The following MOB4 variants were observed in gnomAD, a reference collection of about 807,000 sequenced individuals.
MOB4 encodes MOB-like protein phocein.
MOB4 carries 4 observed loss-of-function variants against 32.2 expected under a neutral mutation model. The ratio of observed to expected loss-of-function variants is 0.12; its 90% CI spans 0.06 to 0.28. The LOEUF is 0.28. Among genes scored for constraint, MOB4 ranks in the 10% least tolerant of loss-of-function variants. MOB4 has a pLI of 1.00. For missense variants in MOB4, 158 were observed against 271.2 expected (o/e 0.58, Z 2.93); for synonymous variants, 88 against 88.1 (o/e 1.00, Z 0.01).
chr2:197,520,828 C>T (rs1311111216), intron 1 of MOB4, among the ~76,000 whole-genome samples: 1 of 141,866 alleles, frequency 7.0e-6, no homozygotes, highest in Non-Finnish European at 1.5e-5. Context: ...GAGGCTGAGG[C>T]TGGAGGATTG....
chr2:197,516,471 T>G, intron 1 of MOB4: 2 of 1,075,174 alleles, frequency 1.9e-6, no homozygotes. Flanking sequence ...CCCAGCTGAC[T>G]AGCATTGGAG....
At chr2:197,540,263 TA>T (rs2086874923) in intron 4 of MOB4, 87 bp from the exon 5 acceptor site, 34 of 1,479,260 alleles carry the variant, frequency 2.3e-5, no homozygotes, top group Non-Finnish European at 3.1e-5. Flanking sequence ...AACTTTCTTC[TA>T]GAATTTATTA....
chr2:197,537,294 T>A (rs1160640593), intron 3 of MOB4, among the ~76,000 whole-genome samples: 2 of 152,202 alleles, frequency 1.3e-5, no homozygotes, highest in African/African-American at 4.8e-5. Context: ...AAATTATAAA[T>A]TTTCCAGTGC....
chr2:197,528,922 A>G (rs1478662952), intron 2 of MOB4, among the ~76,000 whole-genome samples: 3 of 148,630 alleles, frequency 2.0e-5, no homozygotes, highest in African/African-American at 7.4e-5. Flanking sequence ...TGGCCTCCCA[A>G]TTTTCTTTGT....
At chr2:197,528,341 G>A (rs946426564) in intron 2 of MOB4, among the ~76,000 whole-genome samples, 7 of 151,982 alleles carry the variant, frequency 4.6e-5, no homozygotes, top group East Asian at 3.9e-4. Context: ...GGGTACCTGC[G>A]CAGTTTACTG....
At chr2:197,520,480 T>C (rs1224640827) in intron 1 of MOB4, among the ~76,000 whole-genome samples, 1 of 152,166 alleles carries the variant, frequency 6.6e-6, no homozygotes, top group Non-Finnish European at 1.5e-5. Flanking sequence ...ATTTGCTTTT[T>C]TTGCTCAAGG....
chr2:197,544,261 G>A (rs1017476992), intron 5 of MOB4, among the ~76,000 whole-genome samples: 7 of 152,084 alleles, frequency 4.6e-5, no homozygotes, highest in Non-Finnish European at 7.4e-5. Context: ...TAGTAGAGAC[G>A]GAGTTTCACC....
rs1201589088 is a variant in MOB4, at chr2:197,552,580, ATGTT to A, written c.*1937_*1940del. The A allele has an allele frequency of 6.6e-6, 1 of 152,216 alleles. No individual in the cohort carries two copies. Among genetic ancestry groups the A allele is most frequent in the Non-Finnish European group, 1.5e-5 (1 of 68,012 alleles). The allele number at this position is 152,216 out of a possible 1,614,324, so 9.4% of individuals were successfully genotyped here. A position where few individuals can be genotyped will look rare whatever the true frequency, so the allele number is the denominator to read the frequency against. ...ACTCATTTCACCTTCCCTGTACTGT[ATGTT>A]TGGAATTGATCATAAAACATCTCCA... On this transcript the variant is annotated 3_prime_UTR_variant, in exon 8 of 8. Transcript: ENST00000323303.
chr2:197,532,587 G>A (rs2086724538), intron 2 of MOB4, among the ~76,000 whole-genome samples: 1 of 152,160 alleles, frequency 6.6e-6, no homozygotes, highest in Non-Finnish European at 1.5e-5. Flanking sequence ...TTGGGAGGCT[G>A]AAGCAGGAGA....
chr2:197,523,323 A>T (rs2086554427), intron 1 of MOB4, among the ~76,000 whole-genome samples: 2 of 152,200 alleles, frequency 1.3e-5, no homozygotes, highest in Admixed American at 6.5e-5. Context: ...GTGGGTCAGG[A>T]CTATAATCCT....
At chr2:197,533,979 T>G (rs2086753143) in intron 2 of MOB4, 2 of 541,346 alleles carry the variant, frequency 3.7e-6, no homozygotes, top group South Asian at 2.9e-5. Flanking sequence ...GAATTTTACA[T>G]GAGATGGCAC....
intron 2 of MOB4, among the ~76,000 whole-genome samples, chr2:197,527,121 AC>A (rs2086623679): frequency 6.6e-6 from 1 of 151,728 alleles, no homozygotes; most frequent in Non-Finnish European, 1.5e-5. Context: ...TTATTCAGAA[AC>A]CCTTGCAATT....
At chr2:197,537,977 A>G (rs1397722433) in intron 3 of MOB4, among the ~76,000 whole-genome samples, 1 of 152,050 alleles carries the variant, frequency 6.6e-6, no homozygotes, top group Non-Finnish European at 1.5e-5. Flanking sequence ...ATGGGGTTTC[A>G]CCATGTTGGT....
At chr2:197,523,129 G>C (rs908848422) in intron 1 of MOB4, among the ~76,000 whole-genome samples, 79 of 150,892 alleles carry the variant, frequency 5.2e-4, no homozygotes, top group African/African-American at 1.8e-3. Flanking sequence ...TTTTTTCATT[G>C]TAACTTTTTG....
At chr2:197,519,534 G>A (rs1325003372) in intron 1 of MOB4, among the ~76,000 whole-genome samples, 1 of 152,174 alleles carries the variant, frequency 6.6e-6, no homozygotes, top group Non-Finnish European at 1.5e-5. Context: ...TGCGTGTTCT[G>A]TAAATAGTTG....
At chr2:197,520,477 T>G (rs2086496843) in intron 1 of MOB4, among the ~76,000 whole-genome samples, 1 of 152,146 alleles carries the variant, frequency 6.6e-6, no homozygotes, top group Admixed American at 6.6e-5. Context: ...CTAATTTGCT[T>G]TTTTTGCTCA....
intron 2 of MOB4, among the ~76,000 whole-genome samples, chr2:197,524,521 ACT>A (rs2086573742): frequency 7.5e-6 from 1 of 132,494 alleles, no homozygotes; most frequent in Admixed American, 8.0e-5. Context: ...CAAAAGCAAG[ACT>A]CTGTCTCAAA....
chr2:197,533,871 C>T (rs1050570861), intron 2 of MOB4: 20 of 645,108 alleles, frequency 3.1e-5, no homozygotes, highest in Admixed American at 1.3e-4. Context: ...AAAGCAAAAT[C>T]GTCCCATTCC....
intron 5 of MOB4, among the ~76,000 whole-genome samples, chr2:197,544,778 A>G (rs990045958): frequency 8.9e-4 from 136 of 152,124 alleles, no homozygotes; most frequent in African/African-American, 3.2e-3. Context: ...GTCAAAATGG[A>G]AAAATTTGTG....
Sources: gnomAD v4.1 joint callset for allele counts (sites outside exome capture counted in the v4.1 genomes callset) on GRCh38, gnomAD v4.1.1 for gene constraint, MANE v1.5 for transcripts, NCBI Gene and HGNC (gene_info 2026-07-23, HGNC 2026-07-21) for gene names.